SCAPER: variants seen among roughly 807,000 people sequenced by gnomAD.
The protein encoded by SCAPER is S-phase cyclin A associated protein in the ER, also known as S phase cyclin A-associated protein in the endoplasmic reticulum.
SCAPER carries 98 observed loss-of-function variants against 182.2 expected under a neutral mutation model. The observed-to-expected ratio is 0.54, with a 90% CI of 0.46 to 0.64. The LOEUF is 0.64. Among genes scored for constraint, SCAPER ranks in the 30% least tolerant of loss-of-function variants. The pLI is 0.00. For missense variants in SCAPER, 1,432 were observed against 1,690.0 expected (o/e 0.85, Z 2.68); for synonymous variants, 605 against 564.6 (o/e 1.07, Z -1.01).
intron 24 of SCAPER, among the ~76,000 whole-genome samples, chr15:76,480,059 T>A (rs1212740784): frequency 2.0e-5 from 3 of 152,208 alleles, no homozygotes; most frequent in Admixed American, 2.0e-4. Flanking sequence ...GGACAGATCC[T>A]CGCAAAACAA....
intron 23 of SCAPER, among the ~76,000 whole-genome samples, chr15:76,543,832 C>T (rs1189879352): frequency 1.3e-5 from 2 of 152,138 alleles, no homozygotes; most frequent in Admixed American, 1.3e-4. Flanking sequence ...AAATGAAAAA[C>T]AGATAAACTG....
At chr15:76,721,926 C>G (rs1226687470) in intron 17 of SCAPER, among the ~76,000 whole-genome samples, 1 of 152,152 alleles carries the variant, frequency 6.6e-6, no homozygotes, top group Non-Finnish European at 1.5e-5. Context: ...ATTTCCTTCT[C>G]CTGTCTGACT....
chr15:76,513,557 G>C (rs963617700), intron 23 of SCAPER, among the ~76,000 whole-genome samples: 5 of 152,146 alleles, frequency 3.3e-5, no homozygotes, highest in Admixed American at 2.6e-4. Context: ...TACAAATCTA[G>C]GTAGACTTAA....
chr15:76,672,229 G>C (rs1414275209), intron 20 of SCAPER, among the ~76,000 whole-genome samples: 1 of 152,130 alleles, frequency 6.6e-6, no homozygotes, highest in Non-Finnish European at 1.5e-5. Flanking sequence ...TTGTATAAGA[G>C]GGATCTCTAT....
intron 29 of SCAPER, among the ~76,000 whole-genome samples, chr15:76,369,578 G>A (rs2042012907): frequency 6.6e-6 from 1 of 152,254 alleles, no homozygotes; most frequent in East Asian, 1.9e-4. Context: ...TAGGATGAAG[G>A]TGCCATGAAT....
At chr15:76,730,578 A>C (rs1018102026) in intron 16 of SCAPER, among the ~76,000 whole-genome samples, 1 of 152,136 alleles carries the variant, frequency 6.6e-6, no homozygotes, top group Admixed American at 6.6e-5. Flanking sequence ...CATTAAAAAA[A>C]AAGTGAATAA....
At chr15:76,875,580 T>C (rs1359440916) in intron 2 of SCAPER, among the ~76,000 whole-genome samples, 1 of 152,018 alleles carries the variant, frequency 6.6e-6, no homozygotes, top group Non-Finnish European at 1.5e-5. Context: ...GAGGCGAGGG[T>C]TGCAGTGAGC....
At chr15:76,446,171 G>A (rs1476704920) in intron 25 of SCAPER, among the ~76,000 whole-genome samples, 1 of 152,128 alleles carries the variant, frequency 6.6e-6, no homozygotes, top group African/African-American at 2.4e-5. Flanking sequence ...AGGGTTCAGA[G>A]AGGTTAAATC....
intron 2 of SCAPER, among the ~76,000 whole-genome samples, chr15:76,876,563 A>AT (rs1273608749): frequency 1.3e-5 from 2 of 152,132 alleles, no homozygotes; most frequent in Non-Finnish European, 2.9e-5. Context: ...TACTAAGCTG[A>AT]TTTAACATTT....
intron 2 of SCAPER, among the ~76,000 whole-genome samples, chr15:76,865,330 T>G (rs2072193099): frequency 1.3e-5 from 2 of 152,130 alleles, no homozygotes; most frequent in African/African-American, 2.4e-5. Context: ...GCCATAAGAC[T>G]GACAGCCTTG....
intron 4 of SCAPER, among the ~76,000 whole-genome samples, chr15:76,848,626 G>A (rs1276213409): frequency 6.6e-6 from 1 of 152,092 alleles, no homozygotes; most frequent in Non-Finnish European, 1.5e-5. Context: ...GAGCCACCAT[G>A]CCCGGGCAAA....
intron 28 of SCAPER, chr15:76,381,174 G>T: frequency 3.4e-6 from 1 of 294,920 alleles, no homozygotes. Flanking sequence ...GTAGCTATGA[G>T]AATAAATGAG....
At chr15:76,845,284 G>T (rs190136665) in intron 4 of SCAPER, among the ~76,000 whole-genome samples, 1 of 152,244 alleles carries the variant, frequency 6.6e-6, no homozygotes, top group African/African-American at 2.4e-5. Flanking sequence ...TGGAAAAACT[G>T]AAAGCCTTTC....
chr15:76,608,149 T>C (rs2145891766), intron 22 of SCAPER, among the ~76,000 whole-genome samples: 1 of 152,324 alleles, frequency 6.6e-6, no homozygotes, highest in South Asian at 2.1e-4. Flanking sequence ...TTTGTGGTTT[T>C]ATCTACCTTT....
At chr15:76,793,245 A>G in intron 8 of SCAPER, 1 of 1,101,846 alleles carries the variant, frequency 9.1e-7, no homozygotes. Context: ...GTGATATTGC[A>G]AAATATATAT....
intron 8 of SCAPER, among the ~76,000 whole-genome samples, chr15:76,786,156 G>A (rs779233746): frequency 1.1e-4 from 16 of 151,920 alleles, no homozygotes; most frequent in Admixed American, 2.6e-4. Flanking sequence ...GTGAAACCAC[G>A]TGTCTACTAA....
intron 25 of SCAPER, among the ~76,000 whole-genome samples, chr15:76,448,563 C>G (rs2048163810): frequency 6.6e-6 from 1 of 152,058 alleles, no homozygotes; most frequent in South Asian, 2.1e-4. Flanking sequence ...AAACGGCATG[C>G]TGTTTGTTGA....
Position 76,800,250 on chromosome 15 carries a change from A to C in SCAPER, c.609T>G (p.Phe203Leu). 1 of 1,597,704 alleles carries C rather than the reference A, an allele frequency of 6.3e-7. No individual in the cohort carries two copies. Among genetic ancestry groups the C allele is most frequent in the Non-Finnish European group, 8.6e-7 (1 of 1,167,136 alleles). Residue 203 changes from phenylalanine (F) to leucine (L), a missense_variant and splice_region_variant, in exon 7 of 32, where the codon TTT becomes TTG. By Grantham distance (22) the Phe-to-Leu change is conservative. Coordinates refer to ENST00000563290, the MANE Select transcript of SCAPER (RefSeq NM_020843.4). Reference sequence around the variant, plus strand: ...AGTTTTTTCTTAGTTCATCTCACCCAAAATTTAAGCTTCGTCGAGCATTTG... The same window carrying C: ...AGTTTTTTCTTAGTTCATCTCACCCCAAATTTAAGCTTCGTCGAGCATTTG... ...VTSNARRSLN[F>L]GGSTGTVPAP...
At chr15:76,858,526 G>A (rs981202655) in intron 3 of SCAPER, among the ~76,000 whole-genome samples, 2 of 151,812 alleles carry the variant, frequency 1.3e-5, no homozygotes, top group African/African-American at 2.4e-5. Context: ...GGCAAATTAC[G>A]TTTCACAGGG....
Sources: allele counts gnomAD v4.1 joint callset (sites outside exome capture counted in the v4.1 genomes callset), GRCh38; gene constraint gnomAD v4.1.1; transcripts MANE v1.5; gene names NCBI Gene and HGNC (gene_info 2026-07-23, HGNC 2026-07-21).